Variants in ME3 observed in about 807,000 individuals in gnomAD.
ME3 encodes the protein malic enzyme 3.
A neutral mutation model predicts 68.9 loss-of-function variants in ME3; 48 were observed. That is an observed-to-expected ratio of 0.70 (90% CI 0.55 to 0.89). The LOEUF is 0.89. Ranked by LOEUF, ME3 falls within the 40% of genes least tolerant of loss-of-function variation. ME3 has a pLI of 0.00. For missense variants in ME3, 675 were observed against 797.4 expected (o/e 0.85, Z 1.85); for synonymous variants, 320 against 318.8 (o/e 1.00, Z -0.04).
At chr11:86,469,577 CT>C (rs1950672494) in intron 7 of ME3, among the ~76,000 whole-genome samples, 1 of 152,230 alleles carries the variant, frequency 6.6e-6, no homozygotes, top group Admixed American at 6.5e-5. Context: ...GAAGCTCCCA[CT>C]TACCGGGGAG....
chr11:86,478,155 A>G (rs1951188575), intron 7 of ME3, among the ~76,000 whole-genome samples: 1 of 152,002 alleles, frequency 6.6e-6, no homozygotes, highest in Non-Finnish European at 1.5e-5. Flanking sequence ...TTACTGCACG[A>G]GTAAAGCCAC....
intron 2 of ME3, among the ~76,000 whole-genome samples, chr11:86,644,671 C>T (rs1449422037): frequency 6.6e-6 from 1 of 152,174 alleles, no homozygotes; most frequent in Non-Finnish European, 1.5e-5. Flanking sequence ...TAAATATCGC[C>T]TCCTTAAGAG....
intron 5 of ME3, among the ~76,000 whole-genome samples, chr11:86,500,513 C>T (rs983371052): frequency 7.2e-5 from 11 of 152,240 alleles, no homozygotes; most frequent in Non-Finnish European, 7.3e-5. Context: ...TCCATTCTCT[C>T]CTGCCAACCA....
chr11:86,634,026 T>C (rs1032502300), intron 2 of ME3, among the ~76,000 whole-genome samples: 1 of 152,200 alleles, frequency 6.6e-6, no homozygotes, highest in African/African-American at 2.4e-5. Flanking sequence ...TTAACCTTGA[T>C]ATGTTCCATT....
intron 4 of ME3, among the ~76,000 whole-genome samples, chr11:86,509,384 G>T (rs1006480875): frequency 7.2e-6 from 1 of 138,878 alleles, no homozygotes; most frequent in African/African-American, 2.7e-5. Context: ...TGACAGTCTT[G>T]AGCTACTCCA....
At chr11:86,559,667 G>A in intron 3 of ME3, 23 bp downstream of exon 3, 5 of 1,600,878 alleles carry the variant, frequency 3.1e-6, no homozygotes, top group Non-Finnish European at 3.4e-6. Context: ...ACCAGACAGA[G>A]AGAACAGACA....
chr11:86,642,802 C>T lies in ME3; in HGVS notation c.183+28960G>A, dbSNP rs961920067. Among the ~76,000 whole-genome samples, 6 of 152,126 alleles carry T rather than the reference C, an allele frequency of 3.9e-5. No homozygotes were observed. In the South Asian group the frequency reaches 1.2e-3, roughly 32 times the overall value. Reference sequence around the variant, plus strand: ...CATGAATTTCATGTTTTGAAAAATCCTGCATTTATTAATAGTTAATTTATT... The same window carrying T: ...CATGAATTTCATGTTTTGAAAAATCTTGCATTTATTAATAGTTAATTTATT... On this transcript the variant is annotated intron_variant, in intron 2 of 14. Transcript: ENST00000543262.
intron 2 of ME3, among the ~76,000 whole-genome samples, chr11:86,591,812 T>C (rs997875812): frequency 2.0e-5 from 3 of 152,068 alleles, no homozygotes; most frequent in Non-Finnish European, 4.4e-5. Context: ...TTTGCTTTCA[T>C]GAGAACAGCA....
At chr11:86,621,066 C>G (rs940029348) in intron 2 of ME3, among the ~76,000 whole-genome samples, 5 of 152,164 alleles carry the variant, frequency 3.3e-5, no homozygotes, top group Non-Finnish European at 5.9e-5. Context: ...GGAACTCTTC[C>G]AGGCCTCACA....
intron 8 of ME3, among the ~76,000 whole-genome samples, chr11:86,453,068 G>A (rs1448226332): frequency 1.3e-5 from 2 of 151,604 alleles, no homozygotes; most frequent in African/African-American, 2.4e-5. Flanking sequence ...GTGTGATCTC[G>A]GCTCACTGCA....
At chr11:86,467,693 T>TCTCACA (rs1555204126) in intron 7 of ME3, among the ~76,000 whole-genome samples, 4 of 143,228 alleles carry the variant, frequency 2.8e-5, no homozygotes, top group African/African-American at 1.1e-4. Context: ...TCTCTCTCTC[T>TCTCACA]CACACACACA....
At chr11:86,448,093 A>G (rs1949423121) in intron 11 of ME3, 57 bp downstream of exon 11, 1 of 1,251,072 alleles carries the variant, frequency 8.0e-7, no homozygotes, top group Non-Finnish European at 1.2e-6. Context: ...CTGTCTCTCC[A>G]TCTGCAAGTC....
At chr11:86,544,511 A>T (rs1393382225) in intron 4 of ME3, among the ~76,000 whole-genome samples, 2 of 152,262 alleles carry the variant, frequency 1.3e-5, no homozygotes. Flanking sequence ...CTACCATAAG[A>T]GAATACTATA....
At chr11:86,511,667 G>A (rs79030792) in intron 4 of ME3, among the ~76,000 whole-genome samples, 6,772 of 152,156 alleles carry the variant, frequency 0.045, 160 homozygotes, top group South Asian at 0.099. Flanking sequence ...AGGAAAGGCC[G>A]CAAGATTAGG....
intron 2 of ME3, among the ~76,000 whole-genome samples, chr11:86,599,614 C>T (rs1158029003): frequency 2.0e-5 from 3 of 152,300 alleles, no homozygotes; most frequent in Middle Eastern, 3.4e-3. Flanking sequence ...CACAAAGATA[C>T]TCCTTGAGAA....
At position 86,498,168 on chromosome 11, in the gene ME3, G is replaced by T. The variant is rs769767590; in HGVS notation, c.544-44C>A. 10 of 1,566,906 alleles carry T rather than the reference G, an allele frequency of 6.4e-6. No homozygotes were observed. In the Admixed American group the frequency reaches 1.8e-4, roughly 28 times the overall value. On this transcript the variant is annotated intron_variant, in intron 5 of 14. Coordinates refer to ENST00000543262, the Ensembl canonical transcript of ME3. Reference sequence around the variant, plus strand: ...CCATCAATCAGGGACAGCACTTCCTGTGACAGGGTGCTCATTTTAGCAGCC... The same window carrying T: ...CCATCAATCAGGGACAGCACTTCCTTTGACAGGGTGCTCATTTTAGCAGCC...
chr11:86,447,362 A>T (rs1470770765), intron 11 of ME3, among the ~76,000 whole-genome samples, 155 bp from the exon 12 acceptor site: 1 of 152,168 alleles, frequency 6.6e-6, no homozygotes, highest in East Asian at 1.9e-4. Context: ...AGGGAAAATG[A>T]TCTTCCTGCT....
At chr11:86,575,263 C>T (rs950970420) in intron 2 of ME3, among the ~76,000 whole-genome samples, 7 of 147,190 alleles carry the variant, frequency 4.8e-5, no homozygotes, top group African/African-American at 1.0e-4. Flanking sequence ...CTCCACCCCA[C>T]GTAAGCTTCT....
intron 4 of ME3, among the ~76,000 whole-genome samples, chr11:86,542,297 A>G (rs1956099138): frequency 6.6e-6 from 1 of 152,236 alleles, no homozygotes; most frequent in South Asian, 2.1e-4. Flanking sequence ...AACTGGACAG[A>G]GCATGACTTT....
Sources: allele counts gnomAD v4.1 joint callset (sites outside exome capture counted in the v4.1 genomes callset), GRCh38; gene constraint gnomAD v4.1.1; transcripts MANE v1.5; gene names NCBI Gene and HGNC (gene_info 2026-07-23, HGNC 2026-07-21).